SLC35A3: variants seen among roughly 807,000 people sequenced by gnomAD.
SLC35A3 encodes the protein solute carrier family 35 member A3, also known as UDP-N-acetylglucosamine transporter.
Under a neutral mutation model 39.0 loss-of-function variants are expected in SLC35A3, and 26 were observed. The ratio of observed to expected loss-of-function variants is 0.67; its 90% CI spans 0.49 to 0.92. The LOEUF is 0.92. SLC35A3 is among the 40% of genes least tolerant of loss of function. SLC35A3 has a pLI of 0.00. For missense variants in SLC35A3, 299 were observed against 371.6 expected, an observed-to-expected ratio of 0.80 and a Z score of 1.61; for synonymous variants, 135 against 133.1, an observed-to-expected ratio of 1.01 and a Z score of -0.10.
chr1:99,995,555 C>T (rs189052452), intron 2 of SLC35A3, among the ~76,000 whole-genome samples: 1 of 152,006 alleles, frequency 6.6e-6, no homozygotes, highest in East Asian at 1.9e-4. Context: ...GGAATAATTG[C>T]TAGGTTTTTA....
At chr1:99,985,424 T>A (rs529916005) in intron 1 of SLC35A3, among the ~76,000 whole-genome samples, 5 of 152,252 alleles carry the variant, frequency 3.3e-5, no homozygotes, top group African/African-American at 1.2e-4. Flanking sequence ...CATTGGTCTA[T>A]GTGCCTATTT....
intron 6 of SLC35A3, chr1:100,015,690 A>G (rs993342664): frequency 1.6e-5 from 6 of 370,838 alleles, no homozygotes; most frequent in African/African-American, 1.2e-4. Context: ...AGCTAAAGGC[A>G]AATATAACTT....
intron 3 of SLC35A3, among the ~76,000 whole-genome samples, chr1:100,006,148 C>T (rs1042766308): frequency 2.6e-5 from 4 of 152,034 alleles, no homozygotes; most frequent in African/African-American, 9.7e-5. Context: ...TTAGTGGCTT[C>T]GACTGAAGTT....
Position 100,033,770 on chromosome 1 carries a change from TATA to T in SLC35A3, c.*11298_*11300del, listed in dbSNP as rs1254855855. Reference sequence around the variant, plus strand: ...GTCTTATTTCTTTTTGATTAGAACATATAATATTTACACACTATTTTCCCATCC... The same window carrying T: ...GTCTTATTTCTTTTTGATTAGAACATATATTTACACACTATTTTCCCATCC... On this transcript the variant is annotated 3_prime_UTR_variant, in exon 8 of 8. Transcript: ENST00000533028. The T allele has an allele frequency of 7.2e-5, 11 of 152,314 alleles. No individual in the cohort carries two copies. The highest frequency in any genetic ancestry group is 1.7e-4 in the African/African-American group (7 of 41,564). 9.4% of individuals were successfully genotyped at this position (152,314 alleles called of 1,614,324 possible).
At chr1:100,015,645 TAATG>T (rs1660046736) in intron 6 of SLC35A3, 5 of 423,140 alleles carry the variant, frequency 1.2e-5, no homozygotes, top group Non-Finnish European at 2.0e-5. Flanking sequence ...AAATGTAACA[TAATG>T]AAAATACAAG....
rs549482103 is a variant in SLC35A3 at position 99,970,911 on chromosome 1, A to G, written c.-19+749A>G. On this transcript the variant is annotated intron_variant, in intron 1 of 7. Transcript: ENST00000533028. ...TTTCAAGGGAATGACTTGTAAACTT[A>G]TATTTCTGAGGCTAACTTTCCTCCC... Among the ~76,000 whole-genome samples the G allele has an allele frequency of 3.3e-5, 5 of 152,276 alleles. No homozygotes were observed. The South Asian group carries it at 8.3e-4, about 25-fold the overall frequency.
intron 5 of SLC35A3, 68 bp from the exon 6 acceptor site, chr1:100,015,234 T>G: frequency 5.2e-6 from 7 of 1,338,842 alleles, no homozygotes; most frequent in Non-Finnish European, 6.9e-6. Flanking sequence ...ATTTGGAATG[T>G]CAGTGGAAAA....
chr1:99,970,580 C>A, intron 1 of SLC35A3: 1 of 1,536,048 alleles, frequency 6.5e-7, no homozygotes, highest in South Asian at 1.2e-5. Context: ...GGCACAGATG[C>A]ACCCGACCAG....
chr1:100,011,797 C>T (rs1421636193), intron 5 of SLC35A3, among the ~76,000 whole-genome samples: 1 of 151,536 alleles, frequency 6.6e-6, no homozygotes, highest in Non-Finnish European at 1.5e-5. Flanking sequence ...CGGCTCACTG[C>T]AAGCTCCGCC....
chr1:99,990,746 CAAATTCACATGTTG>C (rs1658034149), intron 1 of SLC35A3, among the ~76,000 whole-genome samples: 1 of 152,130 alleles, frequency 6.6e-6, no homozygotes, highest in Admixed American at 6.5e-5. Context: ...CCTGCCTCCC[CAAATTCACATGTTG>C]AAATCCTAAC....
intron 4 of SLC35A3, among the ~76,000 whole-genome samples, chr1:100,011,086 T>C (rs1659597400): frequency 6.6e-6 from 1 of 152,332 alleles, no homozygotes; most frequent in Admixed American, 6.5e-5. Flanking sequence ...AATTAAACTT[T>C]AAGGAATTAT....
intron 1 of SLC35A3, among the ~76,000 whole-genome samples, chr1:99,990,054 G>C (rs1657984294): frequency 6.6e-6 from 1 of 152,042 alleles, no homozygotes. Context: ...ACTGCACCTG[G>C]CCCGATTTTT....
chr1:100,022,636 CA>C lies in SLC35A3; in HGVS notation c.*164del. The C allele has an allele frequency of 2.4e-6, 1 of 414,704 alleles. No homozygotes were observed. Among genetic ancestry groups the C allele is most frequent in the East Asian group, 3.7e-5 (1 of 27,256 alleles). The allele number at this position is 414,704 out of a possible 1,614,324, so 25.7% of individuals were successfully genotyped here. On this transcript the variant is annotated 3_prime_UTR_variant, in exon 8 of 8. Coordinates refer to ENST00000533028, the MANE Select transcript of SLC35A3 (RefSeq NM_012243.3). ...AAGGATAAGACATGTGTATATGTAA[CA>C]AAACACATTGCATCTAGAAATCAAA...
At chr1:100,003,399 A>C (rs954726512) in intron 3 of SLC35A3, among the ~76,000 whole-genome samples, 2 of 148,212 alleles carry the variant, frequency 1.3e-5, no homozygotes, top group African/African-American at 5.0e-5. Flanking sequence ...CTGGGCAACA[A>C]GATTGAAACT....
chr1:99,986,351 A>C (rs746423424), intron 1 of SLC35A3, among the ~76,000 whole-genome samples: 1 of 150,998 alleles, frequency 6.6e-6, no homozygotes. Flanking sequence ...TTTTTAGGAG[A>C]GACATGGTTT....
intron 3 of SLC35A3, 45 bp from the exon 4 acceptor site, chr1:100,006,981 GAACAAACA>G: frequency 6.5e-7 from 1 of 1,532,004 alleles, no homozygotes; most frequent in African/African-American, 1.4e-5. Flanking sequence ...TACTCTTAAG[GAACAAACA>G]AACAAACAAA....
rs1298481963 is a variant in SLC35A3 at position 100,027,927 on chromosome 1, A to G, written c.*5451A>G. 3 of 146,924 alleles carry G rather than the reference A, an allele frequency of 2.0e-5. No individual in the cohort carries two copies. The highest frequency in any genetic ancestry group is 3.0e-5 in the Non-Finnish European group (2 of 66,872). The allele number at this position is 146,924 out of a possible 1,614,324, so 9.1% of individuals were successfully genotyped here. ...AAAAGTATCTTAGAATCTGAATCTT[A>G]TAGATAATACTACCTTTTTTTTTTT... On this transcript the variant is annotated 3_prime_UTR_variant, in exon 8 of 8. Coordinates refer to ENST00000533028, the MANE Select transcript of SLC35A3 (RefSeq NM_012243.3).
rs78377040 is a variant in SLC35A3, at chr1:100,004,303, C to T, written c.343-2731C>T. Among the ~76,000 whole-genome samples, 443 of 152,188 alleles carry T rather than the reference C, an allele frequency of 2.9e-3. 3 individuals carry two copies. The highest frequency in any genetic ancestry group is 0.01 in the African/African-American group (428 of 41,528). On this transcript the variant is annotated intron_variant, in intron 3 of 7. Transcript: ENST00000533028. ...CTTTCAAGTGCAGGACTTCTGTAAG[C>T]ACTTTTTTTGTTTGTTTTTGAGGCA...
At position 100,003,955 on chromosome 1, in the gene SLC35A3, C is replaced by T. The variant is rs1171687487; in HGVS notation, c.343-3079C>T. 3.3e-5 allele frequency among the ~76,000 whole-genome samples: 5 copies of T among 152,086 alleles called. No individual in the cohort carries two copies. The East Asian group carries it at 9.6e-4, about 29-fold the overall frequency. On this transcript the variant is annotated intron_variant, in intron 3 of 7. Coordinates refer to ENST00000533028, the MANE Select transcript of SLC35A3 (RefSeq NM_012243.3). ...AGCTATTTCTGCTCGTTTTTGGTTT[C>T]TGTTTGCATGGAATATCTCTCTATC...
Sources: gnomAD v4.1 joint callset for allele counts (sites outside exome capture counted in the v4.1 genomes callset) on GRCh38, gnomAD v4.1.1 for gene constraint, MANE v1.5 for transcripts, NCBI Gene and HGNC (gene_info 2026-07-23, HGNC 2026-07-21) for gene names.